The following KLF8 variants were observed in gnomAD, a reference collection of about 807,000 sequenced individuals.
KLF8 encodes the protein Krueppel-like factor 8.
Under a neutral mutation model 18.2 loss-of-function variants are expected in KLF8, and 10 were observed. The ratio of observed to expected loss-of-function variants is 0.55; its 90% confidence interval spans 0.34 to 0.93. KLF8 has a LOEUF of 0.93. KLF8 is among the 40% of genes least tolerant of loss of function. The pLI is 0.02. For synonymous variants in KLF8, 109 were observed against 97.3 expected (o/e 1.12, Z -0.71); for missense variants, 264 against 277.9 (o/e 0.95, Z 0.36).
the KLF8 span, among the ~76,000 whole-genome samples, chrX:56,110,145 T>C: frequency 8.9e-6 from 1 of 111,933 alleles, no homozygotes; most frequent in South Asian, 3.7e-4. Flanking sequence ...TAGTATTCCA[T>C]GGTGAATATG....
chrX:56,074,502 T>A, the KLF8 span: 1 of 112,109 alleles, frequency 8.9e-6, no homozygotes. Flanking sequence ...CATTTTTTAA[T>A]ATGGAAGTCC....
At chrX:56,282,155 C>T (rs1418665803) in intron 5 of KLF8, among the ~76,000 whole-genome samples, 1 of 112,519 alleles carries the variant, frequency 8.9e-6, no homozygotes. Flanking sequence ...ACACTCTAAA[C>T]ATCCCCTGAA....
the KLF8 span, among the ~76,000 whole-genome samples, chrX:56,160,013 A>C: frequency 2.7e-5 from 3 of 111,511 alleles, no homozygotes; most frequent in Non-Finnish European, 5.6e-5. Flanking sequence ...CCTGCTTTCT[A>C]ATGTGGGCAT....
chrX:55,933,449 G>A, the KLF8 span, among the ~76,000 whole-genome samples: 2 of 111,568 alleles, frequency 1.8e-5, no homozygotes, highest in Non-Finnish European at 3.8e-5. Flanking sequence ...ACAGATAATG[G>A]CAAACAAAAA....
chrX:55,933,961 T>C, the KLF8 span, among the ~76,000 whole-genome samples: 1 of 112,267 alleles, frequency 8.9e-6, no homozygotes, highest in Non-Finnish European at 1.9e-5. Flanking sequence ...GTCATAGCTT[T>C]TATAAGTTTA....
the KLF8 span, among the ~76,000 whole-genome samples, chrX:56,026,238 G>A: frequency 9.0e-6 from 1 of 111,589 alleles, no homozygotes; most frequent in Admixed American, 9.5e-5. Context: ...TGGCCGCAGA[G>A]GAGCTACTTT....
upstream of KLF8, among the ~76,000 whole-genome samples, chrX:56,228,995 A>G (rs774122846): frequency 9.0e-6 from 1 of 110,747 alleles, no homozygotes; most frequent in Non-Finnish European, 1.9e-5. Context: ...CTCCCCTCCC[A>G]TCTACCCACC....
At chrX:55,998,767 A>T in the KLF8 span, among the ~76,000 whole-genome samples, 2 of 106,349 alleles carry the variant, frequency 1.9e-5, no homozygotes, top group African/African-American at 7.0e-5. Context: ...ATATTTTGTG[A>T]GTATTTTCTC....
At chrX:56,026,182 C>T in the KLF8 span, among the ~76,000 whole-genome samples, 1 of 111,801 alleles carries the variant, frequency 8.9e-6, no homozygotes, top group Non-Finnish European at 1.9e-5. Context: ...TCCGCCTTTA[C>T]AGCTGTGGGA....
the KLF8 span, among the ~76,000 whole-genome samples, chrX:56,187,235 C>T: frequency 4.5e-5 from 5 of 111,819 alleles, no homozygotes; most frequent in African/African-American, 9.7e-5. Context: ...TCAGAGAATA[C>T]TATAAACACC....
At chrX:56,028,928 G>A in the KLF8 span, among the ~76,000 whole-genome samples, 3 of 111,225 alleles carry the variant, frequency 2.7e-5, no homozygotes, top group African/African-American at 6.6e-5. Flanking sequence ...TGTACGGGCC[G>A]ATAGTCCTTG....
the KLF8 span, among the ~76,000 whole-genome samples, chrX:56,159,145 C>A: frequency 8.9e-5 from 10 of 112,037 alleles, no homozygotes; most frequent in African/African-American, 2.6e-4. Context: ...TTGAGACAAT[C>A]ATATGATTTT....
chrX:55,923,812 T>C, the KLF8 span, among the ~76,000 whole-genome samples: 1 of 109,453 alleles, frequency 9.1e-6, no homozygotes, highest in South Asian at 3.9e-4. Context: ...CATAGAACAT[T>C]CATGTATAGT....
At chrX:55,935,460 G>A in the KLF8 span, among the ~76,000 whole-genome samples, 3 of 112,228 alleles carry the variant, frequency 2.7e-5, no homozygotes, top group South Asian at 1.1e-3. Flanking sequence ...AGTATGAGAA[G>A]CATCTAGAGG....
chrX:56,265,249 C>A lies in KLF8; in HGVS notation c.151C>A (p.Leu51Ile), dbSNP rs757188676. The A allele has an allele frequency of 1.7e-6, 2 of 1,207,254 alleles. No homozygotes were observed. Among genetic ancestry groups the A allele is most frequent in the Non-Finnish European group, 2.2e-6 (2 of 893,588 alleles). ...EYRSNMTSPT[L>I]LDANPMENPA... is the part of the protein sequence containing the mutation. ...CAGAAGTAATATGACTTCTCCAACA[C>A]TCCTGGATGCCAACCCCATGGAGAA... Residue 51 changes from leucine (L) to isoleucine (I), a missense_variant, in exon 3 of 6, where the codon CTC becomes ATC. Coordinates refer to ENST00000468660, the MANE Select transcript of KLF8 (RefSeq NM_007250.5).
chrX:56,000,593 AT>A, the KLF8 span, among the ~76,000 whole-genome samples: 2 of 108,239 alleles, frequency 1.8e-5, no homozygotes, highest in African/African-American at 6.7e-5. Context: ...GTTTCCAGTA[AT>A]TTCTCCATTT....
At chrX:56,071,598 G>A in the KLF8 span, among the ~76,000 whole-genome samples, 2 of 111,823 alleles carry the variant, frequency 1.8e-5, no homozygotes, top group Admixed American at 1.9e-4. Flanking sequence ...ATAATCCTCA[G>A]TTTAAATTAT....
intron 2 of KLF8, among the ~76,000 whole-genome samples, chrX:56,256,686 G>C (rs188645236): frequency 9.0e-6 from 1 of 111,655 alleles, no homozygotes; most frequent in East Asian, 2.8e-4. Context: ...TCATTCAGGA[G>C]CAATTTTTGT....
At chrX:56,015,336 G>A in the KLF8 span, among the ~76,000 whole-genome samples, 58,210 of 109,794 alleles carry the variant, frequency 0.53, 13,703 homozygotes, top group East Asian at 0.75. Context: ...ATTCCCATCA[G>A]CAGTATTGGA....
Sources: gnomAD v4.1 joint callset for allele counts (sites outside exome capture counted in the v4.1 genomes callset) on GRCh38, gnomAD v4.1.1 for gene constraint, MANE v1.5 for transcripts, NCBI Gene and HGNC (gene_info 2026-07-23, HGNC 2026-07-21) for gene names.